The following DICER1 variants were observed in gnomAD, a reference collection of about 807,000 sequenced individuals.
DICER1 encodes the protein endoribonuclease Dicer.
Under a neutral mutation model 194.1 loss-of-function variants are expected in DICER1, and 43 were observed. That is an observed-to-expected ratio of 0.22 (90% CI 0.17 to 0.29). The LOEUF (loss-of-function observed/expected upper bound fraction) is 0.29, where lower values mean the gene tolerates loss of function less well. Among genes scored for constraint, DICER1 ranks in the 10% least tolerant of loss-of-function variants. The probability of loss-of-function intolerance (pLI) is 1.00; values close to 1 mark genes in which losing one functional copy is unlikely to be tolerated. For synonymous variants in DICER1, 832 were observed against 820.5 expected, an observed-to-expected ratio of 1.01 and a Z score of -0.24; for missense variants, 1,608 against 2,317.0, an observed-to-expected ratio of 0.69 and a Z score of 6.28.
rs778219828 is a variant in DICER1 at position 95,126,663 on chromosome 14, A to C, written c.820T>G (p.Leu274Val). 6.9e-6 allele frequency: 11 copies of C among 1,591,150 alleles called. No individual in the cohort carries two copies. The East Asian group carries it at 2.5e-4, about 36-fold the overall frequency. The change falls in exon 7 of 27, where the codon TTA becomes GTA. Residue 274 changes from leucine (L) to valine (V), a missense_variant. Around this residue, in one of 10 missense-constraint regions of DICER1, gnomAD observed 657 missense variants for 910.1 expected, o/e 0.72. Transcript: ENST00000343455. ...SGLYERLLMELEEALNFINDC... is the reference protein window; with the variant it reads ...SGLYERLLMEVEEALNFINDC... ...TTGATAAAATTAAGTGCTTCTTCTA[A>C]TTCCATCAGCAGTCTTTCATAAAGC...
At chr14:95,143,381 T>G (rs190180851) in intron 1 of DICER1, among the ~76,000 whole-genome samples, 1 of 152,186 alleles carries the variant, frequency 6.6e-6, no homozygotes, top group Non-Finnish European at 1.5e-5. Flanking sequence ...CCCCTTTTCT[T>G]TTCCAGATTT....
Position 95,117,094 on chromosome 14 carries a change from G to A in DICER1, c.1510-399C>T, listed in dbSNP as rs1459212259. Among the ~76,000 whole-genome samples, 4 of 152,174 alleles carry A rather than the reference G, an allele frequency of 2.6e-5. No individual in the cohort carries two copies. The East Asian group carries it at 5.8e-4, about 22-fold the overall frequency. On this transcript the variant is annotated intron_variant, in intron 9 of 26. Coordinates refer to ENST00000343455, the MANE Select transcript of DICER1 (RefSeq NM_177438.3). ...ACTTTAAATAGGTTTTTGTGTACAA[G>A]CCAGACCATGGTATTAGTTTTTAGC... is the stretch of plus-strand genomic sequence containing the variant.
intron 1 of DICER1, among the ~76,000 whole-genome samples, chr14:95,145,267 C>T (rs923821673): frequency 1.3e-5 from 2 of 152,138 alleles, no homozygotes; most frequent in African/African-American, 4.8e-5. Context: ...AAGTTTTCCT[C>T]CCCTACATTC....
intron 1 of DICER1, among the ~76,000 whole-genome samples, chr14:95,155,118 C>T (rs922772133): frequency 2.0e-5 from 3 of 152,178 alleles, no homozygotes; most frequent in African/African-American, 7.2e-5. Context: ...TAATCACTGA[C>T]TCTTAGTTTC....
intron 24 of DICER1, 114 bp from the exon 25 acceptor site, chr14:95,091,479 G>T (rs1028913405): frequency 3.2e-6 from 3 of 951,248 alleles, no homozygotes; most frequent in Non-Finnish European, 1.7e-6. Context: ...AGTAAGGGGG[G>T]AAATACCATT....
Position 95,130,151 on chromosome 14 carries a change from T to C in DICER1, c.480A>G (p.Lys160=), listed in dbSNP as rs758436019. Residue 160 remains lysine, a synonymous_variant, in exon 5 of 27, where the codon AAA becomes AAG. Coordinates refer to ENST00000343455, the MANE Select transcript of DICER1 (RefSeq NM_177438.3). ...TGTCTGACAGTGATAAGTAACCATT[T>C]TTCAAAACATTCAAGGCGACATAGC... is the stretch of plus-strand genomic sequence containing the variant. ...MTCYVALNVL[K]NGYLSLSDIN... is the part of the protein sequence containing the mutation. 1 of 1,613,408 alleles carries C rather than the reference T, an allele frequency of 6.2e-7. No individual in the cohort carries two copies. The highest frequency in any genetic ancestry group is 2.2e-5 in the East Asian group (1 of 44,762).
chr14:95,108,984 T>C (rs1313784540), intron 14 of DICER1, among the ~76,000 whole-genome samples: 2 of 152,228 alleles, frequency 1.3e-5, no homozygotes, highest in African/African-American at 4.8e-5. Context: ...TAGACTCTTT[T>C]TCTATGCATA....
At position 95,093,997 on chromosome 14, in the gene DICER1, T is replaced by A. The variant is rs2139812420; in HGVS notation, c.5255A>T (p.Tyr1752Phe). ...NTIFASLAVK[Y>F]DYHKYFKAVS... ...AGCTTTGAAGTACTTGTGGTAGTCG[T>A]ACTTTACAGCCAGCGATGCAAAGAT... The change falls in exon 24 of 27, where the codon TAC becomes TTC. Residue 1752 changes from tyrosine to phenylalanine, a missense_variant. Around this residue, in one of 10 missense-constraint regions of DICER1, gnomAD observed 138 missense variants for 298.3 expected, o/e 0.46. Transcript: ENST00000343455. 6.2e-7 allele frequency: 1 copy of A among 1,614,150 alleles called. No individual in the cohort carries two copies. The highest frequency in any genetic ancestry group is 8.5e-7 in the Non-Finnish European group (1 of 1,180,040).
At chr14:95,094,201 T>A (rs1368420318) in intron 23 of DICER1, 45 bp from the exon 24 acceptor site, 4 of 1,610,846 alleles carry the variant, frequency 2.5e-6, no homozygotes, top group Non-Finnish European at 3.4e-6. Context: ...CAGAAGCATT[T>A]ACACTATCCC....
At position 95,103,391 on chromosome 14, in the gene DICER1, G is replaced by A. The variant is rs755357184; in HGVS notation, c.4005C>T (p.Tyr1335=). Residue 1335 remains tyrosine, a synonymous_variant, in exon 21 of 27, where the codon TAC becomes TAT. Coordinates refer to ENST00000343455, the MANE Select transcript of DICER1 (RefSeq NM_177438.3). ...HAITTYLFCT[Y]PDAHEGRLSY... ...AAAGGCGGCCCTCATGCGCATCAGG[G>A]TAAGTGCAAAATAGATATGTGGTGA... 4 of 1,614,196 alleles carry A rather than the reference G, an allele frequency of 2.5e-6. No individual in the cohort carries two copies. Among genetic ancestry groups the A allele is most frequent in the Non-Finnish European group, 3.4e-6 (4 of 1,180,038 alleles).
At chr14:95,092,706 T>C (rs1889955773) in intron 24 of DICER1, among the ~76,000 whole-genome samples, 1 of 152,146 alleles carries the variant, frequency 6.6e-6, no homozygotes, top group Admixed American at 6.6e-5. Flanking sequence ...TATACATATG[T>C]TTATATAAAC....
In DICER1 at chr14:95,089,981, G is replaced by A. The variant is rs779080081; in HGVS notation, c.*517C>T. On this transcript the variant is annotated 3_prime_UTR_variant, in exon 27 of 27. Coordinates refer to ENST00000343455, the MANE Select transcript of DICER1 (RefSeq NM_177438.3). ...GGAACATCACCTTACACAGTATAAC[G>A]TGGAAAGAAAAGACAACATTGGCGC... 34 of 272,066 alleles carry A rather than the reference G, an allele frequency of 1.2e-4. 1 individual carries two copies. The East Asian group carries it at 1.8e-3, about 14-fold the overall frequency. 16.9% of individuals were successfully genotyped at this position (272,066 alleles called of 1,614,324 possible). A position where few individuals can be genotyped will look rare whatever the true frequency, so the allele number is the denominator to read the frequency against.
At chr14:95,156,060 G>A (rs1895837396) in intron 1 of DICER1, among the ~76,000 whole-genome samples, 1 of 152,150 alleles carries the variant, frequency 6.6e-6, no homozygotes, top group Non-Finnish European at 1.5e-5. Context: ...AATAAACTGA[G>A]TTTTTTGGTG....
intron 22 of DICER1, 148 bp downstream of exon 22, chr14:95,099,632 T>C: frequency 2.0e-6 from 2 of 1,010,096 alleles, no homozygotes; most frequent in Non-Finnish European, 2.7e-6. Context: ...ATTAATTAAA[T>C]ATATCAAATA....
intron 3 of DICER1, among the ~76,000 whole-genome samples, chr14:95,132,052 T>A (rs1206824899): frequency 6.6e-6 from 1 of 152,220 alleles, no homozygotes; most frequent in Non-Finnish European, 1.5e-5. Flanking sequence ...ATTTTATATT[T>A]TTTATTTTTA....
chr14:95,135,223 C>T (rs1894270704), intron 1 of DICER1, among the ~76,000 whole-genome samples: 1 of 152,198 alleles, frequency 6.6e-6, no homozygotes, highest in Non-Finnish European at 1.5e-5. Context: ...TACTGTCTAG[C>T]ACTATTCACC....
At chr14:95,090,736 G>T in intron 26 of DICER1, 73 bp from the exon 27 acceptor site, 1 of 1,549,782 alleles carries the variant, frequency 6.5e-7, no homozygotes, top group Non-Finnish European at 8.9e-7. Context: ...CATTTAGTGT[G>T]CACTCTCAGG....
At chr14:95,115,847 T>C (rs199823884) in intron 10 of DICER1, 26 bp from the exon 11 acceptor site, 65 of 1,612,890 alleles carry the variant, frequency 4.0e-5, no homozygotes, top group African/African-American at 3.1e-4. Flanking sequence ...ACAGAACTTA[T>C]GATGAAAACA....
At chr14:95,108,921 T>TC (rs1167524647) in intron 14 of DICER1, among the ~76,000 whole-genome samples, 1 of 152,146 alleles carries the variant, frequency 6.6e-6, no homozygotes, top group Non-Finnish European at 1.5e-5. Flanking sequence ...TCACATATAA[T>TC]CCTATCACTC....
Sources: gnomAD v4.1 joint callset for allele counts (sites outside exome capture counted in the v4.1 genomes callset) on GRCh38, gnomAD v4.1.1 for gene constraint, gnomAD v4.1.1 regional missense constraint, MANE v1.5 for transcripts, NCBI Gene and HGNC (gene_info 2026-07-23, HGNC 2026-07-21) for gene names.